ERC2: variants seen among roughly 807,000 people sequenced by gnomAD.
ERC2 encodes ERC protein 2.
Under a neutral mutation model 114.8 loss-of-function variants are expected in ERC2, and 42 were observed. That is an observed-to-expected ratio of 0.37 (90% CI 0.29 to 0.47). The LOEUF (loss-of-function observed/expected upper bound fraction) is 0.47. Ranked by LOEUF, ERC2 falls within the 20% of genes least tolerant of loss-of-function variation. The probability of loss-of-function intolerance (pLI) is 0.99; values close to 1 mark genes in which losing one functional copy is unlikely to be tolerated. For missense variants in ERC2, 939 were observed against 1,150.7 expected (o/e 0.82, Z 2.66); for synonymous variants, 454 against 425.5 (o/e 1.07, Z -0.82).
At chr3:55,744,348 G>C (rs1260752066) in intron 14 of ERC2, among the ~76,000 whole-genome samples, 1 of 152,154 alleles carries the variant, frequency 6.6e-6, no homozygotes, top group East Asian at 1.9e-4. Flanking sequence ...AGGTTGCAGT[G>C]AGAGGAGGTT....
chr3:55,897,731 A>C (rs766687643), intron 13 of ERC2, among the ~76,000 whole-genome samples: 5 of 152,144 alleles, frequency 3.3e-5, no homozygotes, highest in Non-Finnish European at 7.4e-5. Flanking sequence ...AAGGACTACT[A>C]ATCTTATTTT....
intron 15 of ERC2, among the ~76,000 whole-genome samples, chr3:55,711,141 T>C (rs1400395175): frequency 6.6e-6 from 1 of 152,232 alleles, no homozygotes; most frequent in African/African-American, 2.4e-5. Context: ...ACCTAATCAT[T>C]TTGTTCTTGA....
At chr3:55,995,711 A>C in intron 10 of ERC2, among the ~76,000 whole-genome samples, 1 of 152,208 alleles carries the variant, frequency 6.6e-6, no homozygotes, top group East Asian at 1.9e-4. Context: ...GATATTGTAC[A>C]TAACCAGCTC....
chr3:55,924,597 G>C (rs1022406286), intron 13 of ERC2, among the ~76,000 whole-genome samples: 4 of 151,994 alleles, frequency 2.6e-5, no homozygotes, highest in Non-Finnish European at 4.4e-5. Flanking sequence ...GCTGAATGAA[G>C]ACCTGGCACA....
chr3:56,168,858 C>G (rs2082464511), intron 4 of ERC2, among the ~76,000 whole-genome samples: 1 of 152,146 alleles, frequency 6.6e-6, no homozygotes, highest in Non-Finnish European at 1.5e-5. Flanking sequence ...ATTAAAGTTG[C>G]ACCTGAATGC....
chr3:55,955,919 C>T (rs1009541470), intron 12 of ERC2, among the ~76,000 whole-genome samples: 5 of 152,186 alleles, frequency 3.3e-5, no homozygotes, highest in African/African-American at 4.8e-5. Flanking sequence ...CGTGGGCAAG[C>T]TTCTTAACCT....
At chr3:56,290,610 G>A (rs917279596) in intron 3 of ERC2, among the ~76,000 whole-genome samples, 20 of 152,256 alleles carry the variant, frequency 1.3e-4, no homozygotes, top group Admixed American at 2.0e-4. Context: ...CTAGGGACAA[G>A]CATGTATTAA....
chr3:56,344,511 C>T (rs2150504574), intron 2 of ERC2, among the ~76,000 whole-genome samples: 1 of 152,330 alleles, frequency 6.6e-6, no homozygotes, highest in African/African-American at 2.4e-5. Context: ...CCTCACCCGC[C>T]ACACCAAAAC....
rs2077208243 is a variant in ERC2, at chr3:56,081,126, C to T, written c.1474-142G>A. 5.0e-6 allele frequency: 4 copies of T among 802,432 alleles called. No individual in the cohort carries two copies. The South Asian group carries it at 5.9e-5, about 12-fold the overall frequency. The allele number at this position is 802,432 out of a possible 1,614,324, so 49.7% of individuals were successfully genotyped here. A position where few individuals can be genotyped will look rare whatever the true frequency, so the allele number is the denominator to read the frequency against. ...AACCACTGCTCATGGCACCTCACTG[C>T]CCTGCATTTTAACAGCCTACATCCT... is the stretch of plus-strand genomic sequence containing the variant. On this transcript the variant is annotated intron_variant, in intron 6 of 17. Transcript: ENST00000288221.
intron 16 of ERC2, among the ~76,000 whole-genome samples, chr3:55,690,640 A>G (rs1209802709): frequency 1.4e-5 from 2 of 144,878 alleles, no homozygotes; most frequent in Non-Finnish European, 3.1e-5. Context: ...TCAGTAAAAG[A>G]AAAAAAAAAC....
At chr3:56,365,033 G>T (rs1317776893) in intron 2 of ERC2, among the ~76,000 whole-genome samples, 1 of 152,118 alleles carries the variant, frequency 6.6e-6, no homozygotes, top group Non-Finnish European at 1.5e-5. Context: ...ACTTCATAAG[G>T]TTATCAAAAA....
chr3:55,674,513 T>A (rs1257541241), intron 17 of ERC2, among the ~76,000 whole-genome samples: 1 of 152,144 alleles, frequency 6.6e-6, no homozygotes, highest in Non-Finnish European at 1.5e-5. Flanking sequence ...AAGTAATACA[T>A]GAGGAAAATG....
At chr3:56,170,605 T>TTTTG (rs2082605000) in intron 4 of ERC2, among the ~76,000 whole-genome samples, 3 of 141,388 alleles carry the variant, frequency 2.1e-5, no homozygotes, top group African/African-American at 5.3e-5. Context: ...TTTTTTTTTT[T>TTTTG]TTTTTTTTTG....
intron 14 of ERC2, among the ~76,000 whole-genome samples, chr3:55,819,841 G>A (rs1454100547): frequency 6.6e-6 from 1 of 152,198 alleles, no homozygotes; most frequent in Non-Finnish European, 1.5e-5. Flanking sequence ...AACCTTTTCA[G>A]AGAGGCTGGG....
chr3:56,075,862 C>G (rs887071573), intron 7 of ERC2, among the ~76,000 whole-genome samples: 1 of 152,200 alleles, frequency 6.6e-6, no homozygotes, highest in African/African-American at 2.4e-5. Context: ...CACTTTACTT[C>G]AATTTTACAC....
intron 14 of ERC2, among the ~76,000 whole-genome samples, chr3:55,832,508 G>A (rs917754681): frequency 2.0e-5 from 3 of 152,208 alleles, no homozygotes; most frequent in African/African-American, 7.2e-5. Context: ...GGTCTGGAGT[G>A]GACCTCTAGC....
intron 15 of ERC2, among the ~76,000 whole-genome samples, chr3:55,708,956 GTT>G (rs1336955435): frequency 6.9e-6 from 1 of 145,708 alleles, no homozygotes; most frequent in Non-Finnish European, 1.5e-5. Context: ...GAAAGACAGT[GTT>G]TGCAGGTATT....
intron 14 of ERC2, among the ~76,000 whole-genome samples, chr3:55,749,220 C>A (rs2066506645): frequency 6.6e-6 from 1 of 152,158 alleles, no homozygotes; most frequent in Non-Finnish European, 1.5e-5. Flanking sequence ...ATCCTGGTGA[C>A]CAGACTCCAA....
chr3:55,658,409 A>G (rs2060972287), intron 17 of ERC2: 1 of 152,172 alleles, frequency 6.6e-6, no homozygotes, highest in South Asian at 2.1e-4. Context: ...TGAACCAATC[A>G]CTGTGGCCTA....
Sources: allele counts gnomAD v4.1 joint callset (sites outside exome capture counted in the v4.1 genomes callset), GRCh38; gene constraint gnomAD v4.1.1; transcripts MANE v1.5; gene names NCBI Gene and HGNC (gene_info 2026-07-23, HGNC 2026-07-21).